The following CYP7B1 variants were observed in gnomAD, a reference collection of about 807,000 sequenced individuals.
CYP7B1 encodes the protein cytochrome P450 family 7 subfamily B member 1, also known as cytochrome P450 7B1.
In CYP7B1, 29 loss-of-function variants were observed where a neutral mutation model predicts 42.7. The observed-to-expected ratio is 0.68, with a 90% confidence interval of 0.51 to 0.93. The LOEUF (loss-of-function observed/expected upper bound fraction) is 0.93. Among genes scored for constraint, CYP7B1 ranks in the 40% least tolerant of loss-of-function variants. The probability of loss-of-function intolerance (pLI) is 0.00; values close to 1 mark genes in which losing one functional copy is unlikely to be tolerated. For missense variants in CYP7B1, 655 were observed against 600.5 expected (o/e 1.09, Z -0.95); for synonymous variants, 235 against 218.2 (o/e 1.08, Z -0.68).
rs539894628 is a variant in CYP7B1 at position 64,697,904 on chromosome 8, T to A, written c.123-73365A>T. Among the ~76,000 whole-genome samples, 7 of 152,328 alleles carry A rather than the reference T, an allele frequency of 4.6e-5. No homozygotes were observed. The South Asian group carries it at 1.4e-3, about 32-fold the overall frequency. ...TTTGTGCTCTTCAGTTTTCATTTTT[T>A]AAATCCTGACCAAGAGAGACAAGAC... On this transcript the variant is annotated intron_variant, in intron 1 of 5. Transcript: ENST00000310193.
intron 1 of CYP7B1, among the ~76,000 whole-genome samples, chr8:64,671,622 T>G (rs1392230718): frequency 6.6e-6 from 1 of 152,034 alleles, no homozygotes; most frequent in African/African-American, 2.4e-5. Context: ...TGCCTGAGAG[T>G]GCCTAGCTGC....
At chr8:64,716,795 T>C (rs1267605754) in intron 1 of CYP7B1, among the ~76,000 whole-genome samples, 1 of 152,216 alleles carries the variant, frequency 6.6e-6, no homozygotes, top group East Asian at 1.9e-4. Flanking sequence ...ATGGCTCAGG[T>C]GTTGGTTGCA....
chr8:64,652,758 G>A (rs1585833924), intron 1 of CYP7B1, among the ~76,000 whole-genome samples: 1 of 152,040 alleles, frequency 6.6e-6, no homozygotes, highest in Non-Finnish European at 1.5e-5. Context: ...GCAGGAGAAT[G>A]GCGTGAACCC....
rs540911077 is a variant in CYP7B1 at position 64,775,761 on chromosome 8, C to A, written c.122+22705G>T. 3.3e-5 allele frequency among the ~76,000 whole-genome samples: 5 copies of A among 152,098 alleles called. 1 individual carries two copies. The highest frequency in any genetic ancestry group is 1.2e-4 in the African/African-American group (5 of 41,500). On this transcript the variant is annotated intron_variant, in intron 1 of 5. Coordinates refer to ENST00000310193, the MANE Select transcript of CYP7B1 (RefSeq NM_004820.5). ...ATTCCACAGAGGTAGAGCATTTATG[C>A]TGAAAAGAAGGGTACCATCATGAAG...
chr8:64,616,779 A>G (rs1020687261), intron 2 of CYP7B1, among the ~76,000 whole-genome samples: 2 of 152,214 alleles, frequency 1.3e-5, no homozygotes, highest in Admixed American at 1.3e-4. Flanking sequence ...TGGAGCAGGT[A>G]CTCACAAATA....
intron 1 of CYP7B1, among the ~76,000 whole-genome samples, chr8:64,642,274 T>A (rs992081401): frequency 6.6e-6 from 1 of 152,188 alleles, no homozygotes. Flanking sequence ...TTTTTTTTTT[T>A]TGGAACCCAC....
chr8:64,725,071 C>A (rs1807302319), intron 1 of CYP7B1, among the ~76,000 whole-genome samples: 1 of 152,176 alleles, frequency 6.6e-6, no homozygotes, highest in Non-Finnish European at 1.5e-5. Flanking sequence ...AGATGGGAGG[C>A]CTTGTTGGGT....
chr8:64,682,265 G>A lies in CYP7B1; in HGVS notation c.123-57726C>T, dbSNP rs1015563307. On this transcript the variant is annotated intron_variant, in intron 1 of 5. Transcript: ENST00000310193. The stretch of plus-strand genomic sequence containing the variant: ...ATGGGAGTCGTGGATTGTGAAAGAC[G>A]AAGCTGGAAAGAGGTGGGATGAAGC... 3.9e-5 allele frequency among the ~76,000 whole-genome samples: 6 copies of A among 152,226 alleles called. No individual in the cohort carries two copies. The East Asian group carries it at 9.6e-4, about 24-fold the overall frequency.
intron 1 of CYP7B1, among the ~76,000 whole-genome samples, chr8:64,651,373 C>A (rs1806036344): frequency 6.6e-6 from 1 of 152,138 alleles, no homozygotes; most frequent in South Asian, 2.1e-4. Flanking sequence ...ACATATTGAG[C>A]CTCTGTAATT....
Position 64,747,392 on chromosome 8 carries a change from A to C in CYP7B1, c.122+51074T>G, listed in dbSNP as rs568747404. On this transcript the variant is annotated intron_variant, in intron 1 of 5. Coordinates refer to ENST00000310193, the MANE Select transcript of CYP7B1 (RefSeq NM_004820.5). ...TCCACCCCTGCACAGTCAGAAATTC[A>C]CATACAACTTTTAACTCCCCAAAAA... Among the ~76,000 whole-genome samples the C allele has an allele frequency of 4.6e-5, 7 of 151,114 alleles. No individual in the cohort carries two copies. The South Asian group carries it at 1.5e-3, about 31-fold the overall frequency.
At chr8:64,674,449 A>G (rs1320991195) in intron 1 of CYP7B1, among the ~76,000 whole-genome samples, 2 of 152,098 alleles carry the variant, frequency 1.3e-5, no homozygotes, top group East Asian at 3.9e-4. Flanking sequence ...TATGCCTAGC[A>G]AGTTACCTGG....
At chr8:64,750,621 A>G (rs1345018823) in intron 1 of CYP7B1, among the ~76,000 whole-genome samples, 1 of 152,160 alleles carries the variant, frequency 6.6e-6, no homozygotes, top group East Asian at 1.9e-4. Flanking sequence ...TGATTCTCCA[A>G]ATCCTTAGTG....
intron 1 of CYP7B1, among the ~76,000 whole-genome samples, chr8:64,662,630 G>A (rs937528648): frequency 2.6e-5 from 4 of 152,120 alleles, no homozygotes; most frequent in Admixed American, 1.3e-4. Context: ...CAAACAAAAT[G>A]AAGCAAAATT....
intron 1 of CYP7B1, among the ~76,000 whole-genome samples, chr8:64,744,299 C>T (rs1807611359): frequency 6.6e-6 from 1 of 152,086 alleles, no homozygotes; most frequent in Non-Finnish European, 1.5e-5. Flanking sequence ...AAATCATCCT[C>T]ATCTACCAGT....
intron 1 of CYP7B1, among the ~76,000 whole-genome samples, chr8:64,792,282 GAGA>G (rs2129725252): frequency 6.6e-6 from 1 of 152,268 alleles, no homozygotes; most frequent in African/African-American, 2.4e-5. Context: ...GAGAGATTAA[GAGA>G]AGAACTGTTA....
intron 1 of CYP7B1, among the ~76,000 whole-genome samples, chr8:64,629,606 CTT>C (rs1010160602): frequency 1.4e-5 from 2 of 145,878 alleles, no homozygotes; most frequent in African/African-American, 2.5e-5. Context: ...GTTTGAACGA[CTT>C]TTTTTTTTTG....
Position 64,711,913 on chromosome 8 carries a change from T to G in CYP7B1, c.122+86553A>C, listed in dbSNP as rs759500749. ...CAAAAATTATTTCTGTCTTGGTGAC[T>G]ATGTCTCATTTTTCATAAATACTTT... is the stretch of plus-strand genomic sequence containing the variant. On this transcript the variant is annotated intron_variant, in intron 1 of 5. Coordinates refer to ENST00000310193, the MANE Select transcript of CYP7B1 (RefSeq NM_004820.5). Among the ~76,000 whole-genome samples, 133 of 152,320 alleles carry G rather than the reference T, an allele frequency of 8.7e-4. 1 individual carries two copies. The highest frequency in any genetic ancestry group is 1.5e-3 in the Non-Finnish European group (101 of 68,024).
At chr8:64,694,139 C>A (rs1196466129) in intron 1 of CYP7B1, among the ~76,000 whole-genome samples, 1 of 152,204 alleles carries the variant, frequency 6.6e-6, no homozygotes, top group African/African-American at 2.4e-5. Context: ...CTGAATATTT[C>A]ATGAACATGA....
Position 64,593,243 on chromosome 8 carries a change from G to GTC in CYP7B1, c.*3398_*3399insGA. Among the ~76,000 whole-genome samples, 2 of 85,360 alleles carry GTC rather than the reference G, an allele frequency of 2.3e-5. No homozygotes were observed. The highest frequency in any genetic ancestry group is 4.6e-5 in the Non-Finnish European group (2 of 43,346). 56.0% of individuals were successfully genotyped at this position (85,360 alleles called of 152,430 possible). On this transcript the variant is annotated 3_prime_UTR_variant, in exon 6 of 6. Transcript: ENST00000310193. ...AGGCTAGGGCCCAGGGTGTGTGTGT[G>GTC]TGTGTGTGTGTGTGTGTGTGTGTGT... is the stretch of plus-strand genomic sequence containing the variant.
Sources: gnomAD v4.1 joint callset for allele counts (sites outside exome capture counted in the v4.1 genomes callset) on GRCh38, gnomAD v4.1.1 for gene constraint, MANE v1.5 for transcripts, NCBI Gene and HGNC (gene_info 2026-07-23, HGNC 2026-07-21) for gene names.